SNX29: variants seen among roughly 807,000 people sequenced by gnomAD.
SNX29 encodes sorting nexin 29.
Under a neutral mutation model 102.1 loss-of-function variants are expected in SNX29, and 78 were observed. The ratio of observed to expected loss-of-function variants is 0.76; its 90% CI spans 0.64 to 0.92. The LOEUF is 0.92. Ranked by LOEUF, SNX29 falls within the 40% of genes least tolerant of loss-of-function variation. The pLI is 0.00. For missense variants in SNX29, 1,280 were observed against 1,061.7 expected, an observed-to-expected ratio of 1.21 and a Z score of -2.86; for synonymous variants, 580 against 414.5, an observed-to-expected ratio of 1.40 and a Z score of -4.85.
At chr16:11,977,057 G>A (rs971572360) in intron 1 of SNX29, 3 of 408,794 alleles carry the variant, frequency 7.3e-6, no homozygotes, top group Non-Finnish European at 8.3e-6. Context: ...ATAAAAACCA[G>A]CTCCTAAACC....
At chr16:12,540,389 G>T (rs1398907265) in intron 20 of SNX29, among the ~76,000 whole-genome samples, 1 of 152,174 alleles carries the variant, frequency 6.6e-6, no homozygotes, top group Non-Finnish European at 1.5e-5. Flanking sequence ...TACCAAATTG[G>T]CACAAAGTTA....
rs1039110589 is a variant in SNX29, at chr16:12,570,839, G to T, written c.*2210G>T. The stretch of plus-strand genomic sequence containing the variant: ...TGAGAAACAAGTATGCTCTCAGCTG[G>T]TATTGAACTGGTGGGAGAAACTGCC... On this transcript the variant is annotated 3_prime_UTR_variant, in exon 21 of 21. Transcript: ENST00000566228. 5.6e-5 allele frequency: 13 copies of T among 232,170 alleles called. No homozygotes were observed. Among genetic ancestry groups the T allele is most frequent in the African/African-American group, 2.7e-4 (12 of 45,256 alleles). The allele number at this position is 232,170 out of a possible 1,614,324, so 14.4% of individuals were successfully genotyped here. A position where few individuals can be genotyped will look rare whatever the true frequency, so the allele number is the denominator to read the frequency against.
rs560797040 is a variant in SNX29 at position 12,072,371 on chromosome 16, G to C, written c.1319+3239G>C. ...ATACCTAATTTATTGAGAGTTTTTA[G>C]CATGAAGCGTTGTTGAATTTTGTCA... On this transcript the variant is annotated intron_variant, in intron 10 of 20. Transcript: ENST00000566228. 5.9e-3 allele frequency among the ~76,000 whole-genome samples: 895 copies of C among 152,258 alleles called. 7 individuals are homozygous for C. The highest frequency in any genetic ancestry group is 0.021 in the African/African-American group (860 of 41,542).
intron 13 of SNX29, among the ~76,000 whole-genome samples, chr16:12,141,200 C>T (rs2054855585): frequency 6.6e-6 from 1 of 152,204 alleles, no homozygotes; most frequent in African/African-American, 2.4e-5. Flanking sequence ...GAAAGGCATT[C>T]CTTTCTAGGC....
intron 19 of SNX29, among the ~76,000 whole-genome samples, chr16:12,488,265 C>T (rs964732449): frequency 7.9e-5 from 12 of 152,136 alleles, no homozygotes; most frequent in Admixed American, 1.3e-4. Context: ...ATTGAAGAGA[C>T]TCCTCTTGGT....
Position 12,572,084 on chromosome 16 carries a change from A to T in SNX29, c.*3455A>T. ...CATCTTGCAAGATCTAGGAAGAGGA[A>T]GGGGAGGGATGTGGACTGGGTCTGA... On this transcript the variant is annotated 3_prime_UTR_variant, in exon 21 of 21. Coordinates refer to ENST00000566228, the MANE Select transcript of SNX29 (RefSeq NM_032167.5). 1 of 1,063,212 alleles carries T rather than the reference A, an allele frequency of 9.4e-7. No homozygotes were observed. The highest frequency in any genetic ancestry group is 4.6e-5 in the South Asian group (1 of 21,950). 65.9% of individuals were successfully genotyped at this position (1,063,212 alleles called of 1,614,324 possible).
At position 12,102,141 on chromosome 16, in the gene SNX29, C is replaced by T. The variant is rs543404752; in HGVS notation, c.1402+23226C>T. Among the ~76,000 whole-genome samples, 35 of 152,198 alleles carry T rather than the reference C, an allele frequency of 2.3e-4. 1 individual carries two copies. The highest frequency in any genetic ancestry group is 7.5e-4 in the African/African-American group (31 of 41,514). On this transcript the variant is annotated intron_variant, in intron 11 of 20. Coordinates refer to ENST00000566228, the MANE Select transcript of SNX29 (RefSeq NM_032167.5). ...ATAGTATTCCATGGTGTATATGTGC[C>T]GCATTTTCTTTATCCAGTCTATCAT...
intron 20 of SNX29, among the ~76,000 whole-genome samples, chr16:12,557,914 C>CA (rs1408159248): frequency 2.6e-5 from 4 of 152,174 alleles, no homozygotes; most frequent in African/African-American, 4.8e-5. Flanking sequence ...CTCAAGTCGT[C>CA]AGGGCAGGCA....
At chr16:12,182,042 C>T (rs543108260) in intron 13 of SNX29, among the ~76,000 whole-genome samples, 1 of 152,148 alleles carries the variant, frequency 6.6e-6, no homozygotes, top group East Asian at 1.9e-4. Context: ...CGCCACCACG[C>T]CTGGTTAATT....
intron 19 of SNX29, among the ~76,000 whole-genome samples, chr16:12,485,443 C>T (rs1036733060): frequency 6.6e-6 from 1 of 152,180 alleles, no homozygotes; most frequent in Non-Finnish European, 1.5e-5. Flanking sequence ...TCCCTGGAGC[C>T]ACAGATAATT....
chr16:12,554,466 C>A (rs548044519), intron 20 of SNX29, among the ~76,000 whole-genome samples: 1 of 152,334 alleles, frequency 6.6e-6, no homozygotes, highest in East Asian at 1.9e-4. Flanking sequence ...GTCCATGGGT[C>A]CTGCACATAG....
intron 4 of SNX29, among the ~76,000 whole-genome samples, chr16:12,030,283 G>A (rs1404930518): frequency 7.9e-5 from 12 of 152,118 alleles, no homozygotes; most frequent in Non-Finnish European, 1.3e-4. Context: ...AGTCATACCC[G>A]CAGCCCAGAG....
At chr16:12,521,383 C>T (rs1320879780) in intron 19 of SNX29, among the ~76,000 whole-genome samples, 3 of 151,920 alleles carry the variant, frequency 2.0e-5, no homozygotes, top group Admixed American at 2.0e-4. Flanking sequence ...CTTGGGATTT[C>T]TCCAGGGGCC....
intron 13 of SNX29, chr16:12,135,812 G>A: frequency 2.7e-6 from 1 of 376,060 alleles, no homozygotes; most frequent in Non-Finnish European, 5.1e-6. Flanking sequence ...GGTTATTAGA[G>A]ATTGGAGCAC....
Position 12,366,669 on chromosome 16 carries a change from G to A in SNX29, c.1899+10390G>A, listed in dbSNP as rs114518281. Among the ~76,000 whole-genome samples, 944 of 152,268 alleles carry A rather than the reference G, an allele frequency of 6.2e-3. 12 individuals are homozygous for A. Among genetic ancestry groups the A allele is most frequent in the African/African-American group, 0.022 (905 of 41,556 alleles). ...ACTTTGGGCCTCTGCCACCTGGGCT[G>A]TCTCTTATATTCTGCATTTTCTCCC... On this transcript the variant is annotated intron_variant, in intron 16 of 20. Coordinates refer to ENST00000566228, the MANE Select transcript of SNX29 (RefSeq NM_032167.5).
intron 14 of SNX29, among the ~76,000 whole-genome samples, chr16:12,274,764 G>T (rs796752004): frequency 6.6e-6 from 1 of 151,938 alleles, no homozygotes; most frequent in Non-Finnish European, 1.5e-5. Flanking sequence ...ATTCTATTTT[G>T]TTATTCGTTG....
Position 12,403,460 on chromosome 16 carries a change from G to T in SNX29, c.1968G>T (p.Ala656=), listed in dbSNP as rs1435951719. 6.2e-6 allele frequency: 10 copies of T among 1,607,712 alleles called. No homozygotes were observed. The highest frequency in any genetic ancestry group is 2.7e-5 in the African/African-American group (2 of 74,768). Reference sequence around the variant, plus strand: ...TCCTTTTGGTTAGATCAAACCGGGCGCTGATCAACGTCTGGATCCCCTCAG... The same window carrying T: ...TCCTTTTGGTTAGATCAAACCGGGCTCTGATCAACGTCTGGATCCCCTCAG... The part of the protein sequence containing the change: ...SLSDFEISNR[A]LINVWIPSVF... Residue 656 remains alanine, a synonymous_variant, in exon 18 of 21, where the codon GCG becomes GCT. Transcript: ENST00000566228.
chr16:12,492,152 T>A lies in SNX29; in HGVS notation c.2178+14293T>A, dbSNP rs533037625. Among the ~76,000 whole-genome samples the A allele has an allele frequency of 3.3e-5, 5 of 152,354 alleles. No individual in the cohort carries two copies. The East Asian group carries it at 9.6e-4, about 29-fold the overall frequency. On this transcript the variant is annotated intron_variant, in intron 19 of 20. Transcript: ENST00000566228. ...CTAGTTTACAGTCCCACCAACAGTG[T>A]AAAAGTGTTCCTGTTTCTCCACATC...
At chr16:12,470,962 A>G (rs35463543) in intron 18 of SNX29, among the ~76,000 whole-genome samples, 35,332 of 152,122 alleles carry the variant, frequency 0.23, 5,050 homozygotes, top group South Asian at 0.38. Context: ...CTGAGTCTCA[A>G]TGTGGGGTGT....
Sources: allele counts gnomAD v4.1 joint callset (sites outside exome capture counted in the v4.1 genomes callset), GRCh38; gene constraint gnomAD v4.1.1; transcripts MANE v1.5; gene names NCBI Gene and HGNC (gene_info 2026-07-23, HGNC 2026-07-21).